Variants in ABTB3 observed in about 807,000 individuals in gnomAD.
ABTB3 encodes the protein ankyrin repeat- and BTB/POZ domain-containing protein 3.
At chr12:107,538,047 C>T in the ABTB3 span, among the ~76,000 whole-genome samples, 4 of 152,134 alleles carry the variant, frequency 2.6e-5, no homozygotes, top group Non-Finnish European at 5.9e-5. Context: ...CCTCCATGGT[C>T]TATGCAGCTC....
At chr12:107,421,820 C>T in the ABTB3 span, among the ~76,000 whole-genome samples, 1 of 152,084 alleles carries the variant, frequency 6.6e-6, no homozygotes, top group East Asian at 1.9e-4. Context: ...AACTGATGGA[C>T]CAGAAAGGCC....
chr12:107,614,130 G>A, the ABTB3 span, among the ~76,000 whole-genome samples: 14 of 152,258 alleles, frequency 9.2e-5, no homozygotes, highest in African/African-American at 2.9e-4. Flanking sequence ...ACTGCTCTGA[G>A]TGAAGCAGGC....
chr12:107,440,355 C>T, the ABTB3 span, among the ~76,000 whole-genome samples: 2 of 152,264 alleles, frequency 1.3e-5, no homozygotes, highest in Non-Finnish European at 2.9e-5. Context: ...CCCAGGGCAT[C>T]TGCCCGTGCT....
At chr12:107,338,934 C>T in the ABTB3 span, among the ~76,000 whole-genome samples, 1 of 152,194 alleles carries the variant, frequency 6.6e-6, no homozygotes, top group Non-Finnish European at 1.5e-5. Flanking sequence ...TCAAGCCATC[C>T]TCTTGCCTCA....
the ABTB3 span, among the ~76,000 whole-genome samples, chr12:107,581,812 G>C: frequency 2.6e-5 from 4 of 152,180 alleles, no homozygotes; most frequent in African/African-American, 9.7e-5. Context: ...CCATGCGTGG[G>C]TGCTCATTTT....
the ABTB3 span, among the ~76,000 whole-genome samples, chr12:107,554,348 ATT>A: frequency 1.3e-5 from 2 of 149,086 alleles, no homozygotes; most frequent in African/African-American, 4.9e-5. Context: ...ATAGTTCTAG[ATT>A]TTTTTTTTTA....
At chr12:107,568,806 G>A in the ABTB3 span, among the ~76,000 whole-genome samples, 5 of 151,412 alleles carry the variant, frequency 3.3e-5, no homozygotes, top group Non-Finnish European at 7.4e-5. Context: ...GTCTCCTAAC[G>A]CCACCCGTGA....
chr12:107,566,680 C>CACACACACACAA, the ABTB3 span, among the ~76,000 whole-genome samples: 948 of 151,448 alleles, frequency 6.3e-3, 11 homozygotes, highest in African/African-American at 0.022. Context: ...CACACACACA[C>CACACACACACAA]ACACAAACAT....
the ABTB3 span, among the ~76,000 whole-genome samples, chr12:107,421,638 C>A: frequency 6.6e-6 from 1 of 152,174 alleles, no homozygotes; most frequent in African/African-American, 2.4e-5. Context: ...TGACAGGGGT[C>A]CACTTTATTT....
chr12:107,649,165 G>A, the ABTB3 span: 2 of 1,557,796 alleles, frequency 1.3e-6, no homozygotes, highest in Non-Finnish European at 1.8e-6. Context: ...TTGAGATGAT[G>A]CGTCTTTGCT....
the ABTB3 span, among the ~76,000 whole-genome samples, chr12:107,409,594 AC>A: frequency 6.6e-6 from 1 of 152,256 alleles, no homozygotes; most frequent in Non-Finnish European, 1.5e-5. Context: ...CAGCAAACTA[AC>A]ACAGGAACAG....
At chr12:107,403,922 G>A in the ABTB3 span, among the ~76,000 whole-genome samples, 15 of 152,214 alleles carry the variant, frequency 9.9e-5, 1 homozygote, top group East Asian at 2.9e-3. Context: ...CAGCACTTTG[G>A]GAGGCCAAGG....
the ABTB3 span, chr12:107,615,215 A>C: frequency 7.1e-7 from 1 of 1,415,692 alleles, no homozygotes; most frequent in African/African-American, 1.4e-5. Flanking sequence ...CCTCTTCCAT[A>C]ACACACATCT....
At chr12:107,531,515 G>A in the ABTB3 span, among the ~76,000 whole-genome samples, 1 of 152,120 alleles carries the variant, frequency 6.6e-6, no homozygotes, top group African/African-American at 2.4e-5. Context: ...GGAGCCTCTG[G>A]TTCTTTGATT....
chr12:107,620,127 G>C, the ABTB3 span: 6 of 1,614,100 alleles, frequency 3.7e-6, no homozygotes, highest in Admixed American at 1.0e-4. Flanking sequence ...GTTACCCAAG[G>C]CCTGCCCCTG....
the ABTB3 span, among the ~76,000 whole-genome samples, chr12:107,538,761 G>A: frequency 2.0e-4 from 30 of 152,328 alleles, no homozygotes; most frequent in Admixed American, 7.2e-4. Context: ...TAGACTCTGA[G>A]AACCCCAGGC....
At chr12:107,332,105 G>T in the ABTB3 span, among the ~76,000 whole-genome samples, 1 of 152,244 alleles carries the variant, frequency 6.6e-6, no homozygotes, top group South Asian at 2.1e-4. Flanking sequence ...GCCCCACAGT[G>T]CATGGGAAGG....
the ABTB3 span, chr12:107,651,593 GTC>G: frequency 1.1e-6 from 1 of 917,302 alleles, no homozygotes; most frequent in Non-Finnish European, 1.8e-6. Context: ...GATGAGGACT[GTC>G]TCACCACTAT....
chr12:107,487,769 T>C, the ABTB3 span, among the ~76,000 whole-genome samples: 2 of 151,990 alleles, frequency 1.3e-5, no homozygotes, highest in Non-Finnish European at 2.9e-5. Context: ...AGAAAGACCG[T>C]TGGGAGTCAA....
Sources: gnomAD v4.1 joint callset for allele counts (sites outside exome capture counted in the v4.1 genomes callset) on GRCh38, gnomAD v4.1.1 for gene constraint, MANE v1.5 for transcripts, NCBI Gene and HGNC (gene_info 2026-07-23, HGNC 2026-07-21) for gene names.